AIG1: variants seen among roughly 807,000 people sequenced by gnomAD.
AIG1 encodes androgen-induced gene 1 protein.
Under a neutral mutation model 31.4 loss-of-function variants are expected in AIG1, and 23 were observed. The observed-to-expected ratio is 0.73, with a 90% CI of 0.53 to 1.04. The LOEUF is 1.04. Among genes scored for constraint, AIG1 ranks in the 50% least tolerant of loss-of-function variants. AIG1 has a pLI of 0.00. For synonymous variants in AIG1, 100 were observed against 110.5 expected, an observed-to-expected ratio of 0.90 and a Z score of 0.60; for missense variants, 274 against 295.0, an observed-to-expected ratio of 0.93 and a Z score of 0.52.
chr6:143,288,147 A>T lies in AIG1; in HGVS notation c.515+3922A>T, dbSNP rs1030603638. 6.6e-6 allele frequency among the ~76,000 whole-genome samples: 1 copy of T among 152,050 alleles called. No individual in the cohort carries two copies. The highest frequency in any genetic ancestry group is 1.5e-5 in the Non-Finnish European group (1 of 68,010). ...CTTTTCCCGGGCTGGCTCCACCCTCACTTCCAAGCACCTGGAATCCTTGTC... is the reference window on the plus strand; with the variant it reads ...CTTTTCCCGGGCTGGCTCCACCCTCTCTTCCAAGCACCTGGAATCCTTGTC... On this transcript the variant is annotated intron_variant, in intron 4 of 5. Transcript: ENST00000357847. The surrounding 1 kb of genome is among the most constrained non-coding windows in gnomAD (Gnocchi z 4.4).
intron 1 of AIG1, among the ~76,000 whole-genome samples, chr6:143,091,907 GA>G (rs1779339830): frequency 1.3e-5 from 2 of 152,034 alleles, no homozygotes; most frequent in Non-Finnish European, 1.5e-5. Context: ...TAAATTCCAA[GA>G]TAGTCATAAA....
At chr6:143,128,782 C>T (rs1289658239) in intron 1 of AIG1, among the ~76,000 whole-genome samples, 3 of 152,168 alleles carry the variant, frequency 2.0e-5, no homozygotes, top group Non-Finnish European at 4.4e-5. Context: ...TCAAATCAAA[C>T]TCTTATAAAC....
At chr6:143,077,060 A>G (rs142199173) in intron 1 of AIG1, among the ~76,000 whole-genome samples, 13 of 152,330 alleles carry the variant, frequency 8.5e-5, no homozygotes, top group South Asian at 8.3e-4. Flanking sequence ...TGATTACCAT[A>G]TACAAACTTA....
At chr6:143,153,091 G>T (rs1446904585) in intron 2 of AIG1, among the ~76,000 whole-genome samples, 1 of 152,144 alleles carries the variant, frequency 6.6e-6, no homozygotes, top group Non-Finnish European at 1.5e-5. Flanking sequence ...TGGTCACAGG[G>T]ATCCATCCAT....
chr6:143,335,044 A>G (rs1434989044), intron 5 of AIG1: 1 of 1,402,678 alleles, frequency 7.1e-7, no homozygotes, highest in African/African-American at 1.5e-5. Flanking sequence ...TTAAAAATTC[A>G]TTTTAGATAT....
chr6:143,238,860 T>G (rs914393159), intron 3 of AIG1, among the ~76,000 whole-genome samples: 1 of 152,220 alleles, frequency 6.6e-6, no homozygotes, highest in Non-Finnish European at 1.5e-5. Context: ...TCCTATAAAA[T>G]CTGTATGACT....
intron 2 of AIG1, among the ~76,000 whole-genome samples, chr6:143,154,264 G>A (rs1465020648): frequency 6.6e-6 from 1 of 152,082 alleles, no homozygotes; most frequent in Admixed American, 6.5e-5. Context: ...AAGTAGTTAT[G>A]ATTCTTAAAG....
At chr6:143,115,689 G>A (rs1398230691) in intron 1 of AIG1, among the ~76,000 whole-genome samples, 2 of 152,198 alleles carry the variant, frequency 1.3e-5, no homozygotes, top group African/African-American at 4.8e-5. Context: ...TATTCTGCAT[G>A]AGAAGCACCA....
At chr6:143,307,674 G>T (rs1432182513) in intron 4 of AIG1, among the ~76,000 whole-genome samples, 2 of 152,234 alleles carry the variant, frequency 1.3e-5, no homozygotes, top group African/African-American at 4.8e-5. Flanking sequence ...TGAGGAGGCA[G>T]TCTGCCCATT....
At chr6:143,165,681 T>G (rs1458013534) in intron 3 of AIG1, among the ~76,000 whole-genome samples, 1 of 152,216 alleles carries the variant, frequency 6.6e-6, no homozygotes, top group Non-Finnish European at 1.5e-5. Flanking sequence ...TGGAAGTGTC[T>G]TTTGCAATGG....
intron 3 of AIG1, among the ~76,000 whole-genome samples, chr6:143,252,308 A>G (rs1232067263): frequency 6.6e-6 from 1 of 152,054 alleles, no homozygotes; most frequent in Non-Finnish European, 1.5e-5. Flanking sequence ...TTTAGTAGAT[A>G]TGGGGTTTCA....
At chr6:143,100,621 C>T (rs1485752564) in intron 1 of AIG1, among the ~76,000 whole-genome samples, 3 of 151,926 alleles carry the variant, frequency 2.0e-5, no homozygotes, top group African/African-American at 7.3e-5. Flanking sequence ...CATTGCAAGC[C>T]TCTGTAAAGA....
intron 1 of AIG1, among the ~76,000 whole-genome samples, chr6:143,107,212 A>G (rs990719590): frequency 1.3e-5 from 2 of 152,242 alleles, no homozygotes; most frequent in Admixed American, 6.5e-5. Context: ...TCATTAAAAG[A>G]ATGTGTATAG....
chr6:143,187,490 A>G, intron 3 of AIG1: 2 of 1,535,190 alleles, frequency 1.3e-6, no homozygotes, highest in Middle Eastern at 1.7e-4. Flanking sequence ...TTGAAGACAT[A>G]TGCACAAAAT....
chr6:143,164,552 T>A (rs1412076596), intron 2 of AIG1, among the ~76,000 whole-genome samples: 2 of 152,208 alleles, frequency 1.3e-5, no homozygotes, highest in Non-Finnish European at 2.9e-5. Flanking sequence ...TATAAATTAA[T>A]ACATTTGCTG....
chr6:143,217,761 G>A (rs1792147760), intron 3 of AIG1, among the ~76,000 whole-genome samples: 2 of 152,112 alleles, frequency 1.3e-5, no homozygotes, highest in Admixed American at 1.3e-4. Context: ...TGCCCACCTT[G>A]GCCTCCCAAA....
chr6:143,289,982 A>G (rs1028317197), intron 4 of AIG1, among the ~76,000 whole-genome samples: 3 of 152,200 alleles, frequency 2.0e-5, no homozygotes, highest in Admixed American at 1.3e-4. Context: ...TCTCTATTCA[A>G]CTTGAATCTT....
intron 3 of AIG1, among the ~76,000 whole-genome samples, chr6:143,217,200 A>G (rs1348840763): frequency 6.6e-6 from 1 of 152,200 alleles, no homozygotes; most frequent in Non-Finnish European, 1.5e-5. Context: ...TTCAGACTCC[A>G]TTTAATTTTG....
At chr6:143,169,063 T>C (rs551132021) in intron 3 of AIG1, among the ~76,000 whole-genome samples, 12 of 151,854 alleles carry the variant, frequency 7.9e-5, no homozygotes, top group African/African-American at 2.2e-4. Context: ...AAAATATATA[T>C]GTTTTACTAC....
Sources: gnomAD v4.1 joint callset for allele counts (sites outside exome capture counted in the v4.1 genomes callset) on GRCh38, gnomAD v4.1.1 for gene constraint, Gnocchi (gnomAD v3.1) non-coding constraint, MANE v1.5 for transcripts, NCBI Gene and HGNC (gene_info 2026-07-23, HGNC 2026-07-21) for gene names.